The following PRKN variants were observed in gnomAD, a reference collection of about 807,000 sequenced individuals.
PRKN encodes the protein parkin RBR E3 ubiquitin protein ligase, also known as E3 ubiquitin-protein ligase parkin.
A neutral mutation model predicts 59.5 loss-of-function variants in PRKN; 56 were observed. The ratio of observed to expected loss-of-function variants is 0.94; its 90% CI spans 0.76 to 1.18. The LOEUF (loss-of-function observed/expected upper bound fraction) is 1.18. Ranked by LOEUF, PRKN falls within the 50% of genes most tolerant of loss-of-function variation. The pLI is 0.00. For synonymous variants in PRKN, 250 were observed against 222.1 expected (o/e 1.13, Z -1.12); for missense variants, 657 against 596.4 (o/e 1.10, Z -1.06).
chr6:161,863,529 G>T (rs781369196), intron 6 of PRKN, among the ~76,000 whole-genome samples: 1 of 150,708 alleles, frequency 6.6e-6, no homozygotes, highest in Non-Finnish European at 1.5e-5. Flanking sequence ...AGTTTAGAAA[G>T]ATATTTGCTC....
intron 6 of PRKN, among the ~76,000 whole-genome samples, chr6:161,862,304 G>A (rs1192303646): frequency 1.3e-5 from 2 of 152,106 alleles, no homozygotes; most frequent in Non-Finnish European, 2.9e-5. Flanking sequence ...TTTTGAGTCA[G>A]GCTTGTCGGG....
At chr6:162,580,737 GT>G (rs1780758747) in intron 1 of PRKN, among the ~76,000 whole-genome samples, 2 of 152,154 alleles carry the variant, frequency 1.3e-5, no homozygotes, top group South Asian at 4.1e-4. Flanking sequence ...GAGCTACACT[GT>G]TTATATGTGG....
intron 6 of PRKN, among the ~76,000 whole-genome samples, chr6:161,937,725 G>C (rs998240536): frequency 6.6e-6 from 1 of 152,144 alleles, no homozygotes; most frequent in Non-Finnish European, 1.5e-5. Context: ...AATTATTTAG[G>C]ACTGAATGAG....
intron 1 of PRKN, among the ~76,000 whole-genome samples, chr6:162,643,395 C>A (rs1474833305): frequency 3.4e-4 from 1 of 2,950 alleles, no homozygotes; most frequent in East Asian, 7.9e-3. Context: ...AAGACTCTGC[C>A]TCAAAAAAAA....
chr6:161,547,075 G>C lies in PRKN; in HGVS notation c.1083+1779C>G, dbSNP rs145555915. Among the ~76,000 whole-genome samples, 2 of 152,102 alleles carry C rather than the reference G, an allele frequency of 1.3e-5. No individual in the cohort carries two copies. The highest frequency in any genetic ancestry group is 4.8e-5 in the African/African-American group (2 of 41,420). On this transcript the variant is annotated intron_variant, in intron 9 of 11. Transcript: ENST00000366898. The surrounding 1 kb of genome is among the most constrained non-coding windows in gnomAD (Gnocchi z 4.0). The stretch of plus-strand genomic sequence containing the variant: ...GCAAAGCCACTCACGGGTGATTCCT[G>C]ACTCTCAGAAACTGTGAGATGATAC...
intron 7 of PRKN, among the ~76,000 whole-genome samples, chr6:161,757,325 A>G (rs896249209): frequency 6.6e-6 from 1 of 152,192 alleles, no homozygotes; most frequent in African/African-American, 2.4e-5. Context: ...ACATTTGCAA[A>G]TCATACATCT....
chr6:161,939,299 T>C (rs1411319820), intron 6 of PRKN, among the ~76,000 whole-genome samples: 1 of 150,626 alleles, frequency 6.6e-6, no homozygotes, highest in Non-Finnish European at 1.5e-5. Context: ...ATGCCCATAA[T>C]CTCAGCTACT....
At chr6:162,349,161 A>T (rs1255814552) in intron 2 of PRKN, among the ~76,000 whole-genome samples, 3 of 152,212 alleles carry the variant, frequency 2.0e-5, no homozygotes, top group Admixed American at 2.0e-4. Context: ...CACAAACTTT[A>T]GCAGAAAATT....
At chr6:162,723,897 A>G (rs34138336) in intron 1 of PRKN, among the ~76,000 whole-genome samples, 13,010 of 152,290 alleles carry the variant, frequency 0.085, 692 homozygotes, top group Middle Eastern at 0.18. Flanking sequence ...GTAAATTCTC[A>G]AAGAGATGCT....
At chr6:162,701,567 A>C (rs1475485437) in intron 1 of PRKN, among the ~76,000 whole-genome samples, 1 of 152,090 alleles carries the variant, frequency 6.6e-6, no homozygotes, top group African/African-American at 2.4e-5. Flanking sequence ...AATGTGATTA[A>C]AAAAATACAA....
rs1235206178 is a variant in PRKN at position 161,348,116 on chromosome 6, C to T, written c.*1983G>A. ...TTGGGAAGGCGCAATAATGCAAACA[C>T]CATCAGGAAGAAAGCTATGGATGAT... On this transcript the variant is annotated 3_prime_UTR_variant, in exon 12 of 12. Transcript: ENST00000366898. The surrounding 1 kb of genome is among the most constrained non-coding windows in gnomAD (Gnocchi z 4.9). 2.6e-5 allele frequency: 5 copies of T among 192,578 alleles called. No homozygotes were observed. The highest frequency in any genetic ancestry group is 1.6e-4 in the East Asian group (2 of 12,380). The allele number at this position is 192,578 out of a possible 1,614,324, so 11.9% of individuals were successfully genotyped here. A position where few individuals can be genotyped will look rare whatever the true frequency, so the allele number is the denominator to read the frequency against.
At chr6:162,695,876 G>A (rs762202211) in intron 1 of PRKN, among the ~76,000 whole-genome samples, 1 of 152,138 alleles carries the variant, frequency 6.6e-6, no homozygotes, top group Non-Finnish European at 1.5e-5. Flanking sequence ...ATAGAGTTTG[G>A]AGTCCGAGAA....
At chr6:162,208,218 A>G (rs1393160187) in intron 3 of PRKN, among the ~76,000 whole-genome samples, 1 of 152,198 alleles carries the variant, frequency 6.6e-6, no homozygotes, top group African/African-American at 2.4e-5. Flanking sequence ...ACCCAACTGA[A>G]TCAAACTGCC....
At chr6:161,708,082 T>G (rs562517833) in intron 7 of PRKN, among the ~76,000 whole-genome samples, 42 of 152,310 alleles carry the variant, frequency 2.8e-4, no homozygotes, top group African/African-American at 9.6e-4. Context: ...TGGAATTAAG[T>G]GTCTGATTCT....
intron 6 of PRKN, among the ~76,000 whole-genome samples, chr6:161,899,541 T>C (rs1777803683): frequency 6.6e-6 from 1 of 152,196 alleles, no homozygotes; most frequent in African/African-American, 2.4e-5. Flanking sequence ...GGGGAATGTT[T>C]ATTTTCTCAC....
intron 1 of PRKN, among the ~76,000 whole-genome samples, chr6:162,661,737 T>C (rs918596717): frequency 6.6e-6 from 1 of 152,216 alleles, no homozygotes; most frequent in Admixed American, 6.5e-5. Flanking sequence ...ACATATTCTT[T>C]AGTCCCTCAC....
intron 6 of PRKN, among the ~76,000 whole-genome samples, chr6:161,790,711 G>A (rs571942492): frequency 9.9e-5 from 15 of 152,218 alleles, no homozygotes; most frequent in South Asian, 4.2e-4. Flanking sequence ...CCCAGTCTCC[G>A]GAACCGTGAG....
At chr6:162,047,313 C>G (rs1017422966) in intron 5 of PRKN, among the ~76,000 whole-genome samples, 2 of 152,096 alleles carry the variant, frequency 1.3e-5, no homozygotes, top group East Asian at 1.9e-4. Flanking sequence ...CACAGTGGGA[C>G]CCCTCAAAGC....
chr6:162,053,284 T>C lies in PRKN; in HGVS notation c.618+807A>G, dbSNP rs1582960710. Reference sequence around the variant, plus strand: ...TGTTGCTGTTGACAGACTCTGTTCCTGAGAGAAGGTATTAACTGCCAGCTG... The same window carrying C: ...TGTTGCTGTTGACAGACTCTGTTCCCGAGAGAAGGTATTAACTGCCAGCTG... On this transcript the variant is annotated intron_variant, in intron 5 of 11. Coordinates refer to ENST00000366898, the MANE Select transcript of PRKN (RefSeq NM_004562.3). Among the ~76,000 whole-genome samples, 3 of 152,276 alleles carry C rather than the reference T, an allele frequency of 2.0e-5. No homozygotes were observed. In the East Asian group the frequency reaches 5.8e-4, roughly 29 times the overall value.
Sources: gnomAD v4.1 joint callset for allele counts (sites outside exome capture counted in the v4.1 genomes callset) on GRCh38, gnomAD v4.1.1 for gene constraint, Gnocchi (gnomAD v3.1) non-coding constraint, MANE v1.5 for transcripts, NCBI Gene and HGNC (gene_info 2026-07-23, HGNC 2026-07-21) for gene names.